The following ZNF679 variants were observed in gnomAD, a reference collection of about 807,000 sequenced individuals.
The protein encoded by ZNF679 is zinc finger protein 679, also known as hypothetical protein MGC42415.
Under a neutral mutation model 13.4 loss-of-function variants are expected in ZNF679, and 10 were observed. The observed-to-expected ratio is 0.75, with a 90% CI of 0.46 to 1.27. The LOEUF (loss-of-function observed/expected upper bound fraction) is 1.27, where lower values mean the gene tolerates loss of function less well. Ranked by LOEUF, ZNF679 falls within the 50% of genes most tolerant of loss-of-function variation. ZNF679 has a pLI of 0.00. For synonymous variants in ZNF679, 179 were observed against 162.5 expected, an observed-to-expected ratio of 1.10 and a Z score of -0.77; for missense variants, 525 against 477.8, an observed-to-expected ratio of 1.10 and a Z score of -0.92.
chr7:64,257,070 T>TGAA (rs1368588098), intron 2 of ZNF679, among the ~76,000 whole-genome samples: 1 of 150,652 alleles, frequency 6.6e-6, no homozygotes, highest in African/African-American at 2.4e-5. Context: ...GAAGTTAGTT[T>TGAA]GAAGTTATTT....
At position 64,265,887 on chromosome 7, in the gene ZNF679, G is replaced by A. The variant is rs1384969813; in HGVS notation, c.263-9G>A. Reference sequence around the variant, plus strand: ...AAGTGAAGTAACTTGTGATTTTTATGTCTTTCAGTTATGTGTTCTCATTTC... The same window carrying A: ...AAGTGAAGTAACTTGTGATTTTTATATCTTTCAGTTATGTGTTCTCATTTC... On this transcript the variant is annotated splice_polypyrimidine_tract_variant and intron_variant, in intron 4 of 4. Transcript: ENST00000421025. 1 of 1,608,576 alleles carries A rather than the reference G, an allele frequency of 6.2e-7. No individual in the cohort carries two copies. The highest frequency in any genetic ancestry group is 8.5e-7 in the Non-Finnish European group (1 of 1,178,044).
intron 2 of ZNF679, among the ~76,000 whole-genome samples, chr7:64,254,999 C>CAAAAAAAA (rs71060569): frequency 1.1e-5 from 1 of 92,130 alleles, no homozygotes. Context: ...GACTCCATCT[C>CAAAAAAAA]AAAAAAAAAA....
intron 4 of ZNF679, 23 bp downstream of exon 4, chr7:64,260,952 G>A (rs1461881170): frequency 5.0e-6 from 8 of 1,599,930 alleles, no homozygotes; most frequent in East Asian, 4.5e-5. Context: ...GGATGAAGCG[G>A]ATGACACAGA....
At position 64,243,852 on chromosome 7, in the gene ZNF679, A is replaced by G. The variant is rs116592121; in HGVS notation, c.-90-5176A>G. Among the ~76,000 whole-genome samples the G allele has an allele frequency of 4.8e-3, 734 of 152,338 alleles. 9 individuals carry two copies. Among genetic ancestry groups the G allele is most frequent in the African/African-American group, 0.017 (687 of 41,576 alleles). ...CTTACATGCCCAACTTCAGGATCAG[A>G]GTCAATATCTCCTGTGAGTTGCACC... On this transcript the variant is annotated intron_variant, in intron 1 of 4. Coordinates refer to ENST00000421025, the MANE Select transcript of ZNF679 (RefSeq NM_153363.3).
chr7:64,266,773 C>A lies in ZNF679; in HGVS notation c.1140C>A (p.Tyr380Ter), dbSNP rs771020774. The change falls in exon 5 of 5, where the codon TAC (tyrosine) becomes TAA (stop). Residue 380 changes from tyrosine to a stop codon, truncating the protein, a stop_gained. Transcript: ENST00000421025. LOFTEE classifies it low-confidence loss of function (END_TRUNC). ...HKRIHTGEEP[Y>*]KCEECDKAFK... ...GGATTCATACTGGAGAGGAACCCTA[C>A]AAATGTGAAGAATGTGACAAAGCTT... is the stretch of plus-strand genomic sequence containing the variant. The A allele has an allele frequency of 3.1e-6, 5 of 1,610,058 alleles. No individual in the cohort carries two copies. Among genetic ancestry groups the A allele is most frequent in the Non-Finnish European group, 4.2e-6 (5 of 1,178,036 alleles).
At position 64,266,131 on chromosome 7, in the gene ZNF679, C is replaced by T. The variant is rs756637620; in HGVS notation, c.498C>T (p.Gly166=). 2.5e-6 allele frequency: 4 copies of T among 1,607,432 alleles called. No individual in the cohort carries two copies. Among genetic ancestry groups the T allele is most frequent in the Admixed American group, 1.7e-5 (1 of 58,906 alleles). ...FQTHKCVKVF[G]KFSNSNRHKT... ...CTCATAAATGTGTCAAAGTCTTCGG[C>T]AAATTTTCAAATTCCAATAGACATA... The change falls in exon 5 of 5, where the codon GGC becomes GGT. Residue 166 remains glycine, a synonymous_variant. Transcript: ENST00000421025.
chr7:64,260,229 G>A lies in ZNF679; in HGVS notation c.48G>A (p.Leu16=), dbSNP rs2115600483. The change falls in exon 3 of 5, where the codon TTG becomes TTA. Residue 16 remains leucine (L), a synonymous_variant. Transcript: ENST00000421025. ...TTGTTATTGTTTTTCAGGGACTGTTGACATTCAGAGATGTAGTCATAGAAT... is the reference window on the plus strand; with the variant it reads ...TTGTTATTGTTTTTCAGGGACTGTTAACATTCAGAGATGTAGTCATAGAAT... ...GSPGSREMGL[L]TFRDVVIEFS... 2 of 1,603,210 alleles carry A rather than the reference G, an allele frequency of 1.2e-6. No individual in the cohort carries two copies. Among genetic ancestry groups the A allele is most frequent in the Non-Finnish European group, 1.7e-6 (2 of 1,177,016 alleles).
At position 64,265,986 on chromosome 7, in the gene ZNF679, G is replaced by A; in HGVS notation, c.353G>A (p.Ser118Asn). ...QKVIPRRYGK[S>N]GHDNLQVKTC... Reference sequence around the variant, plus strand: ...GTAATACCAAGAAGATATGGAAAAAGTGGACATGACAATTTACAAGTAAAA... The same window carrying A: ...GTAATACCAAGAAGATATGGAAAAAATGGACATGACAATTTACAAGTAAAA... Residue 118 changes from serine (S) to asparagine (N), a missense_variant, in exon 5 of 5, where the codon AGT (serine) becomes AAT (asparagine). Physicochemically the swap from Ser to Asn is conservative, Grantham distance 46. Transcript: ENST00000421025. 1.2e-6 allele frequency: 2 copies of A among 1,613,760 alleles called. No individual in the cohort carries two copies. Among genetic ancestry groups the A allele is most frequent in the African/African-American group, 2.7e-5 (2 of 75,038 alleles).
At chr7:64,262,103 A>G (rs745553971) in intron 4 of ZNF679, among the ~76,000 whole-genome samples, 2 of 152,024 alleles carry the variant, frequency 1.3e-5, no homozygotes, top group African/African-American at 2.4e-5. Flanking sequence ...TGATCTGCCC[A>G]CCTCGGCCTG....
intron 1 of ZNF679, among the ~76,000 whole-genome samples, chr7:64,234,679 C>T (rs1021674196): frequency 6.6e-6 from 1 of 152,180 alleles, no homozygotes; most frequent in Non-Finnish European, 1.5e-5. Context: ...CTTCTGGACC[C>T]TGAACCATAA....
At chr7:64,260,725 A>T in intron 3 of ZNF679, 109 bp from the exon 4 acceptor site, 1 of 1,185,254 alleles carries the variant, frequency 8.4e-7, no homozygotes, top group South Asian at 1.9e-5. Context: ...ATGAATCAAT[A>T]TTAATTTTCT....
At chr7:64,245,444 G>GA (rs1562842851) in intron 1 of ZNF679, among the ~76,000 whole-genome samples, 7 of 113,584 alleles carry the variant, frequency 6.2e-5, no homozygotes, top group Non-Finnish European at 1.3e-4. Flanking sequence ...AGAGAGAGAG[G>GA]GAGAGAGAGA....
chr7:64,247,534 C>T (rs1173823468), intron 1 of ZNF679, among the ~76,000 whole-genome samples: 18 of 152,056 alleles, frequency 1.2e-4, no homozygotes. Context: ...TAAATTGTTA[C>T]AATCAATTTC....
At chr7:64,265,863 A>C in intron 4 of ZNF679, 33 bp from the exon 5 acceptor site, 4 of 1,597,162 alleles carry the variant, frequency 2.5e-6, no homozygotes, top group Non-Finnish European at 3.4e-6. Context: ...GGGTGTAGTA[A>C]GTGAAGTAAC....
At chr7:64,231,821 A>G (rs1301526036) in intron 1 of ZNF679, among the ~76,000 whole-genome samples, 1 of 152,128 alleles carries the variant, frequency 6.6e-6, no homozygotes, top group African/African-American at 2.4e-5. Flanking sequence ...CCCAGGCAAA[A>G]AAGTAAAAGC....
rs1787603511 is a variant in ZNF679, at chr7:64,229,260, A to G, written c.-91+608A>G. Among the ~76,000 whole-genome samples the G allele has an allele frequency of 2.6e-5, 4 of 152,270 alleles. No individual in the cohort carries two copies. The South Asian group carries it at 8.3e-4, about 32-fold the overall frequency. On this transcript the variant is annotated intron_variant, in intron 1 of 4. Transcript: ENST00000421025. ...GTTGCGTACAGTATAATAGGGCATT[A>G]TACTGTACGCATGAGTGTTGTGATT... is the stretch of plus-strand genomic sequence containing the variant.
intron 2 of ZNF679, among the ~76,000 whole-genome samples, chr7:64,252,356 A>C (rs1189476971): frequency 6.6e-6 from 1 of 152,238 alleles, no homozygotes; most frequent in Non-Finnish European, 1.5e-5. Flanking sequence ...AATATGTAAC[A>C]AAATATTTAC....
At chr7:64,235,695 A>G (rs1787700006) in intron 1 of ZNF679, among the ~76,000 whole-genome samples, 1 of 152,074 alleles carries the variant, frequency 6.6e-6, no homozygotes. Flanking sequence ...AGACTGAGGC[A>G]GAAGCATCGC....
At chr7:64,264,903 A>T (rs559404809) in intron 4 of ZNF679, among the ~76,000 whole-genome samples, 1 of 150,670 alleles carries the variant, frequency 6.6e-6, no homozygotes, top group Non-Finnish European at 1.5e-5. Flanking sequence ...TTACTTCTAA[A>T]TTTTTTCACT....
Sources: gnomAD v4.1 joint callset for allele counts (sites outside exome capture counted in the v4.1 genomes callset) on GRCh38, gnomAD v4.1.1 for gene constraint, MANE v1.5 for transcripts, NCBI Gene and HGNC (gene_info 2026-07-23, HGNC 2026-07-21) for gene names.